RBMS1: variants seen among roughly 807,000 people sequenced by gnomAD.
RBMS1 encodes RNA-binding motif, single-stranded-interacting protein 1.
RBMS1 carries 17 observed loss-of-function variants against 62.3 expected under a neutral mutation model. The ratio of observed to expected loss-of-function variants is 0.27; its 90% CI spans 0.19 to 0.41. The LOEUF (loss-of-function observed/expected upper bound fraction) is 0.41, where lower values mean the gene tolerates loss of function less well. RBMS1 is among the 10% of genes least tolerant of loss of function. The pLI is 1.00. For missense variants in RBMS1, 334 were observed against 504.5 expected (o/e 0.66, Z 3.24); for synonymous variants, 172 against 170.0 (o/e 1.01, Z -0.09).
At chr2:160,322,401 A>G (rs1453847536) in intron 2 of RBMS1, among the ~76,000 whole-genome samples, 1 of 152,228 alleles carries the variant, frequency 6.6e-6, no homozygotes, top group East Asian at 1.9e-4. Context: ...TGTTTTAAAC[A>G]TAAGAAATAA....
chr2:160,383,811 A>G (rs1694420805), intron 1 of RBMS1, among the ~76,000 whole-genome samples: 1 of 152,236 alleles, frequency 6.6e-6, no homozygotes, highest in Non-Finnish European at 1.5e-5. Flanking sequence ...CCATATTTAG[A>G]TCCAGATAAC....
chr2:160,458,422 A>G (rs1174181595), intron 1 of RBMS1, among the ~76,000 whole-genome samples: 1 of 152,126 alleles, frequency 6.6e-6, no homozygotes, highest in Non-Finnish European at 1.5e-5. Flanking sequence ...TGGCAACCAC[A>G]CTCCACAAAA....
chr2:160,398,825 C>G (rs1476952592), intron 1 of RBMS1, among the ~76,000 whole-genome samples: 1 of 152,122 alleles, frequency 6.6e-6, no homozygotes, highest in Admixed American at 6.5e-5. Context: ...ATGGTCTATT[C>G]CCGAGACCTT....
intron 1 of RBMS1, among the ~76,000 whole-genome samples, chr2:160,372,089 C>T (rs1482973357): frequency 1.3e-5 from 2 of 152,106 alleles, no homozygotes; most frequent in African/African-American, 2.4e-5. Flanking sequence ...AAAAACTTGT[C>T]ATTTAAAATT....
intron 5 of RBMS1, 74 bp downstream of exon 5, chr2:160,303,256 T>C (rs1689312942): frequency 7.0e-7 from 1 of 1,431,022 alleles, no homozygotes; most frequent in Admixed American, 2.4e-5. Context: ...CTCTTCTTAG[T>C]CATTTTTAAT....
At chr2:160,413,703 T>C (rs1249926057) in intron 1 of RBMS1, among the ~76,000 whole-genome samples, 1 of 152,250 alleles carries the variant, frequency 6.6e-6, no homozygotes, top group Non-Finnish European at 1.5e-5. Context: ...CCACTGCTGC[T>C]TCTCTGCATG....
chr2:160,350,511 T>C (rs1692434807), intron 2 of RBMS1, among the ~76,000 whole-genome samples: 1 of 151,862 alleles, frequency 6.6e-6, no homozygotes, highest in East Asian at 2.0e-4. Context: ...CATTACTGTC[T>C]ACACAAGCCA....
At chr2:160,305,690 C>T (rs1377169100) in intron 4 of RBMS1, among the ~76,000 whole-genome samples, 4 of 152,016 alleles carry the variant, frequency 2.6e-5, no homozygotes, top group East Asian at 1.9e-4. Flanking sequence ...GCGGTTTTGG[C>T]GGCATGGAAG....
chr2:160,308,952 T>C (rs1041041908), intron 4 of RBMS1, among the ~76,000 whole-genome samples: 1 of 152,208 alleles, frequency 6.6e-6, no homozygotes, highest in African/African-American at 2.4e-5. Flanking sequence ...AAATGGTGCC[T>C]AGGTAAGTGT....
At chr2:160,377,927 T>C (rs1247149162) in intron 1 of RBMS1, among the ~76,000 whole-genome samples, 2 of 152,226 alleles carry the variant, frequency 1.3e-5, no homozygotes, top group Non-Finnish European at 2.9e-5. Flanking sequence ...AGTCCTTGTT[T>C]GTTACGAGGA....
chr2:160,325,208 G>GT (rs1690856883), intron 2 of RBMS1, among the ~76,000 whole-genome samples: 1 of 152,072 alleles, frequency 6.6e-6, no homozygotes, highest in Non-Finnish European at 1.5e-5. Context: ...CTCCAAAAGA[G>GT]TAAGGAGATG....
At chr2:160,402,682 A>G (rs1439173814) in intron 1 of RBMS1, among the ~76,000 whole-genome samples, 2 of 152,192 alleles carry the variant, frequency 1.3e-5, no homozygotes, top group African/African-American at 4.8e-5. Flanking sequence ...AGTAAAGGGA[A>G]GTGTAGTGAG....
intron 1 of RBMS1, among the ~76,000 whole-genome samples, chr2:160,458,625 C>A (rs1280723014): frequency 6.6e-6 from 1 of 152,140 alleles, no homozygotes; most frequent in Non-Finnish European, 1.5e-5. Flanking sequence ...GGTAAAATCC[C>A]ATGTCTACTA....
intron 1 of RBMS1, among the ~76,000 whole-genome samples, chr2:160,420,143 C>CTG (rs1435020848): frequency 1.3e-5 from 2 of 152,118 alleles, no homozygotes; most frequent in African/African-American, 2.4e-5. Flanking sequence ...GCCTCTTTGG[C>CTG]TGTATCACTC....
chr2:160,300,814 T>C (rs989301454), intron 5 of RBMS1, 84 bp from the exon 6 acceptor site: 29 of 1,345,128 alleles, frequency 2.2e-5, no homozygotes, highest in East Asian at 2.8e-5. Flanking sequence ...AACATTCTTA[T>C]AGGTTTTTTG....
At chr2:160,459,703 A>AT (rs1206198496) in intron 1 of RBMS1, among the ~76,000 whole-genome samples, 2 of 152,202 alleles carry the variant, frequency 1.3e-5, no homozygotes, top group Non-Finnish European at 2.9e-5. Context: ...TCAATAAATA[A>AT]TTTACTCCAC....
chr2:160,431,658 C>T (rs1183702939), intron 1 of RBMS1, among the ~76,000 whole-genome samples: 1 of 152,208 alleles, frequency 6.6e-6, no homozygotes, highest in Admixed American at 6.5e-5. Context: ...TTCCTCACCA[C>T]TAAGAACCAG....
chr2:160,426,046 C>T (rs1232768688), intron 1 of RBMS1, among the ~76,000 whole-genome samples: 1 of 151,980 alleles, frequency 6.6e-6, no homozygotes, highest in Non-Finnish European at 1.5e-5. Flanking sequence ...GCACCACCTG[C>T]TCATTTAAGG....
At chr2:160,394,723 A>G (rs1001771773) in intron 1 of RBMS1, among the ~76,000 whole-genome samples, 10 of 152,236 alleles carry the variant, frequency 6.6e-5, no homozygotes, top group African/African-American at 2.4e-4. Context: ...ACCTCACATA[A>G]AAGCAATTCT....
Sources: gnomAD v4.1 joint callset for allele counts (sites outside exome capture counted in the v4.1 genomes callset) on GRCh38, gnomAD v4.1.1 for gene constraint, MANE v1.5 for transcripts, NCBI Gene and HGNC (gene_info 2026-07-23, HGNC 2026-07-21) for gene names.